Variants in JADE3 observed in about 807,000 individuals in gnomAD.
JADE3 encodes the protein jade family PHD finger 3.
A neutral mutation model predicts 50.1 loss-of-function variants in JADE3; 2 were observed. The observed-to-expected ratio is 0.04, with a 90% CI of 0.02 to 0.13. JADE3 has a LOEUF of 0.13. JADE3 is among the 10% of genes least tolerant of loss of function. JADE3 has a pLI of 1.00. For synonymous variants in JADE3, 218 were observed against 232.9 expected, an observed-to-expected ratio of 0.94 and a Z score of 0.58; for missense variants, 475 against 634.4, an observed-to-expected ratio of 0.75 and a Z score of 2.70.
intron 4 of JADE3, among the ~76,000 whole-genome samples, chrX:47,015,106 A>G (rs908511739): frequency 8.9e-6 from 1 of 112,501 alleles, no homozygotes; most frequent in Non-Finnish European, 1.9e-5. Flanking sequence ...TGTTATAGCA[A>G]TTCACAATAA....
intron 6 of JADE3, among the ~76,000 whole-genome samples, chrX:47,031,049 C>CA (rs370049910): frequency 0.036 from 3,349 of 92,811 alleles, 144 homozygotes; most frequent in African/African-American, 0.12. Context: ...GACTCCATCT[C>CA]AAAAAAAAAA....
At position 46,981,861 on chromosome X, in the gene JADE3, T is replaced by C. The variant is rs367931483; in HGVS notation, c.-11-3023T>C. On this transcript the variant is annotated intron_variant, in intron 1 of 10. Transcript: ENST00000614628. ...AAATTAGCTGTTAATTTTATTGGAG[T>C]TCTCTTGTAAGTGATGAGTTGTTTT... 8.0e-5 allele frequency among the ~76,000 whole-genome samples: 9 copies of C among 111,915 alleles called. No homozygotes were observed. The East Asian group carries it at 1.9e-3, about 24-fold the overall frequency.
intron 1 of JADE3, among the ~76,000 whole-genome samples, chrX:46,913,427 G>A (rs1186504526): frequency 2.7e-5 from 3 of 111,063 alleles, no homozygotes; most frequent in South Asian, 7.6e-4. Context: ...GCGGTCCGGG[G>A]GTGGGAAAAT....
Position 46,993,161 on chromosome X carries a change from G to A in JADE3, c.127-4959G>A, listed in dbSNP as rs781876491. On this transcript the variant is annotated intron_variant, in intron 3 of 10. Transcript: ENST00000614628. The stretch of plus-strand genomic sequence containing the variant: ...GGATATTTTTGACTACTAGTCTGGT[G>A]TGTAAAACATATCAACCTATCTTAA... Among the ~76,000 whole-genome samples the A allele has an allele frequency of 1.1e-4, 12 of 111,894 alleles. No individual in the cohort carries two copies. In the East Asian group the frequency reaches 3.4e-3, roughly 31 times the overall value.
In JADE3 at chrX:46,917,868, T is replaced by TC. The variant is rs782490791; in HGVS notation, c.-12+5150dup. 2.2e-4 allele frequency among the ~76,000 whole-genome samples: 23 copies of TC among 102,552 alleles called. No homozygotes were observed. The East Asian group carries it at 4.6e-3, about 21-fold the overall frequency. 89.1% of individuals were successfully genotyped at this position (102,552 alleles called of 115,157 possible). A position where few individuals can be genotyped will look rare whatever the true frequency, so the allele number is the denominator to read the frequency against. On this transcript the variant is annotated intron_variant, in intron 1 of 10. Coordinates refer to ENST00000614628, the MANE Select transcript of JADE3 (RefSeq NM_014735.5). ...CTCTCTCTCTCTCATCCTCTCTCTCTCTCTCTCTCTCTCTCTCATCCTCTC... is the reference window on the plus strand; with the variant it reads ...CTCTCTCTCTCTCATCCTCTCTCTCTCCTCTCTCTCTCTCTCTCATCCTCTC...
chrX:46,962,825 C>G (rs782382857), intron 1 of JADE3, among the ~76,000 whole-genome samples: 5 of 88,657 alleles, frequency 5.6e-5, no homozygotes, highest in Non-Finnish European at 1.1e-4. Context: ...ATGGTTCAAC[C>G]TAATATAAAC....
At chrX:46,967,044 A>G (rs782017002) in intron 1 of JADE3, among the ~76,000 whole-genome samples, 44 of 112,136 alleles carry the variant, frequency 3.9e-4, no homozygotes, top group Non-Finnish European at 4.5e-4. Context: ...TGCCTTCAGG[A>G]GTTTTAGCCT....
In JADE3 at chrX:46,999,397, T is replaced by TTA. The variant is rs782183768; in HGVS notation, c.284+1135_284+1136dup. Among the ~76,000 whole-genome samples the TTA allele has an allele frequency of 7.8e-3, 512 of 65,632 alleles. 1 individual carries two copies. The highest frequency in any genetic ancestry group is 0.03 in the East Asian group (57 of 1,878). The allele number at this position is 65,632 out of a possible 115,157, so 57.0% of individuals were successfully genotyped here. A position where few individuals can be genotyped will look rare whatever the true frequency, so the allele number is the denominator to read the frequency against. On this transcript the variant is annotated intron_variant, in intron 4 of 10. Transcript: ENST00000614628. ...ACTATAGAAACACCTGTGGGAAGTT[T>TTA]TATATATATATATATAACATATATA... is the stretch of plus-strand genomic sequence containing the variant.
At chrX:46,915,757 T>TA (rs199877991) in intron 1 of JADE3, among the ~76,000 whole-genome samples, 2,341 of 92,333 alleles carry the variant, frequency 0.025, 49 homozygotes, top group African/African-American at 0.063. Context: ...TGGGAGAAAG[T>TA]AAAAAAAAAA....
At chrX:47,057,136 TC>T (rs1432405526) in intron 10 of JADE3, among the ~76,000 whole-genome samples, 1 of 111,548 alleles carries the variant, frequency 9.0e-6, no homozygotes, top group Non-Finnish European at 1.9e-5. Flanking sequence ...GGAAATTGGC[TC>T]CTACCCACAT....
chrX:46,942,687 TTTG>T (rs200035460), intron 1 of JADE3, among the ~76,000 whole-genome samples: 186 of 112,062 alleles, frequency 1.7e-3, no homozygotes, highest in African/African-American at 5.4e-3. Context: ...TAGGCTCTTT[TTTG>T]TTGTTGTTGT....
chrX:46,930,807 G>A (rs782015089), intron 1 of JADE3, among the ~76,000 whole-genome samples: 3 of 111,104 alleles, frequency 2.7e-5, no homozygotes, highest in East Asian at 2.8e-4. Context: ...TCCATGTTGC[G>A]TCCCTCCTAC....
chrX:47,001,951 C>A (rs1556359162), intron 4 of JADE3, among the ~76,000 whole-genome samples: 1 of 110,917 alleles, frequency 9.0e-6, no homozygotes, highest in Admixed American at 9.7e-5. Context: ...TAATCAGATT[C>A]TTTGTTTTTT....
At chrX:46,926,547 C>T (rs1163769659) in intron 1 of JADE3, among the ~76,000 whole-genome samples, 1 of 111,993 alleles carries the variant, frequency 8.9e-6, no homozygotes, top group African/African-American at 3.2e-5. Context: ...CACCTGACCC[C>T]GTTCTGTGGA....
At chrX:47,028,177 T>A (rs1332283578) in intron 6 of JADE3, 74 bp downstream of exon 6, 1 of 698,719 alleles carries the variant, frequency 1.4e-6, no homozygotes, top group Non-Finnish European at 2.2e-6. Flanking sequence ...CCAGCACGCA[T>A]ATCTGGGTAG....
At chrX:46,957,192 C>T (rs1927146327) in intron 1 of JADE3, among the ~76,000 whole-genome samples, 1 of 104,487 alleles carries the variant, frequency 9.6e-6, no homozygotes, top group African/African-American at 3.5e-5. Context: ...TCATCCTCCT[C>T]CCTCCTCAGT....
chrX:47,011,545 A>G (rs1928565358), intron 4 of JADE3, among the ~76,000 whole-genome samples: 1 of 111,643 alleles, frequency 9.0e-6, no homozygotes, highest in Non-Finnish European at 1.9e-5. Context: ...TCTTGGGTAC[A>G]TACCTAGGAA....
chrX:46,918,102 G>GCTGGTC (rs1381649211), intron 1 of JADE3, among the ~76,000 whole-genome samples: 60 of 111,640 alleles, frequency 5.4e-4, no homozygotes, highest in Admixed American at 3.7e-3. Context: ...GCTGGAAGAA[G>GCTGGTC]CTGGTCCTTC....
intron 1 of JADE3, among the ~76,000 whole-genome samples, chrX:46,934,678 A>G (rs1434698575): frequency 1.8e-5 from 2 of 108,594 alleles, no homozygotes; most frequent in Non-Finnish European, 3.8e-5. Flanking sequence ...CAAGCGATCC[A>G]ACTACCTCGG....
Sources: allele counts gnomAD v4.1 joint callset (sites outside exome capture counted in the v4.1 genomes callset), GRCh38; gene constraint gnomAD v4.1.1; transcripts MANE v1.5; gene names NCBI Gene and HGNC (gene_info 2026-07-23, HGNC 2026-07-21).